DMD: variants seen among roughly 807,000 people sequenced by gnomAD.
DMD encodes the protein mutant dystrophin.
Under a neutral mutation model 330.1 loss-of-function variants are expected in DMD, and 63 were observed. The ratio of observed to expected loss-of-function variants is 0.19; its 90% CI spans 0.16 to 0.24. The LOEUF is 0.24. Among genes scored for constraint, DMD ranks in the 10% least tolerant of loss-of-function variants. The probability of loss-of-function intolerance (pLI) is 1.00; values close to 1 mark genes in which losing one functional copy is unlikely to be tolerated. For synonymous variants in DMD, 1,223 were observed against 959.8 expected, an observed-to-expected ratio of 1.27 and a Z score of -5.07; for missense variants, 3,344 against 2,684.1, an observed-to-expected ratio of 1.25 and a Z score of -5.43.
At chrX:31,444,648 C>T in intron 59 of DMD, 21 bp from the exon 60 acceptor site, 2 of 1,208,975 alleles carry the variant, frequency 1.7e-6, no homozygotes, top group Non-Finnish European at 2.2e-6. Flanking sequence ...TAGTCAAAAG[C>T]AAATTGGAAG....
intron 60 of DMD, among the ~76,000 whole-genome samples, chrX:31,380,145 A>G (rs181057110): frequency 9.5e-4 from 105 of 110,847 alleles, no homozygotes; most frequent in Middle Eastern, 4.6e-3. Flanking sequence ...TAACTGTTGT[A>G]GGTATTGACG....
intron 44 of DMD, among the ~76,000 whole-genome samples, chrX:32,136,261 C>T (rs999237402): frequency 8.9e-6 from 1 of 112,455 alleles, no homozygotes; most frequent in Non-Finnish European, 1.9e-5. Context: ...GATCCATTGA[C>T]ATTCTAGGCA....
chrX:32,807,663 G>A (rs552116645), intron 7 of DMD, among the ~76,000 whole-genome samples: 48 of 110,592 alleles, frequency 4.3e-4, no homozygotes, highest in African/African-American at 1.2e-3. Context: ...TTACAGGCTC[G>A]TCAACCTACT....
chrX:31,473,449 C>A (rs774420527), intron 59 of DMD, among the ~76,000 whole-genome samples: 1 of 108,658 alleles, frequency 9.2e-6, no homozygotes, highest in Non-Finnish European at 1.9e-5. Flanking sequence ...TGGCCGGGAG[C>A]GGTGGCTCAC....
At chrX:32,530,588 A>G (rs2047386735) in intron 17 of DMD, among the ~76,000 whole-genome samples, 1 of 112,234 alleles carries the variant, frequency 8.9e-6, no homozygotes, top group Non-Finnish European at 1.9e-5. Context: ...AAAAATTAAA[A>G]GGTAAGAAAC....
At chrX:32,860,648 A>C (rs2149082496) in intron 2 of DMD, among the ~76,000 whole-genome samples, 1 of 111,030 alleles carries the variant, frequency 9.0e-6, no homozygotes, top group South Asian at 3.9e-4. Context: ...TCTGTTGCGG[A>C]ATAATATACA....
chrX:32,481,209 G>T (rs1251661117), intron 21 of DMD, among the ~76,000 whole-genome samples: 2 of 110,171 alleles, frequency 1.8e-5, no homozygotes, highest in South Asian at 7.7e-4. Context: ...TTTCAATTCT[G>T]GCAAGAATAT....
intron 1 of DMD, among the ~76,000 whole-genome samples, chrX:33,031,811 A>G (rs1164793797): frequency 9.1e-6 from 1 of 110,361 alleles, no homozygotes; most frequent in Non-Finnish European, 1.9e-5. Flanking sequence ...GAAAGAAAAG[A>G]CTCATAAGCC....
intron 43 of DMD, among the ~76,000 whole-genome samples, chrX:32,249,374 T>A (rs2097254398): frequency 9.0e-6 from 1 of 111,568 alleles, no homozygotes; most frequent in East Asian, 2.8e-4. Context: ...CCTACTAAAA[T>A]GTTCCTTTGA....
At chrX:32,616,761 C>T (rs1417980798) in intron 11 of DMD, among the ~76,000 whole-genome samples, 7 of 88,501 alleles carry the variant, frequency 7.9e-5, no homozygotes, top group African/African-American at 4.6e-5. Flanking sequence ...GCTAGGTATG[C>T]TCCTTGCTTC....
intron 1 of DMD, among the ~76,000 whole-genome samples, chrX:33,262,623 C>T (rs2052976958): frequency 9.0e-6 from 1 of 110,826 alleles, no homozygotes; most frequent in Non-Finnish European, 1.9e-5. Context: ...AATGTACATA[C>T]TAATCTAATG....
intron 2 of DMD, among the ~76,000 whole-genome samples, chrX:33,009,052 G>A (rs1331653113): frequency 1.1e-5 from 1 of 90,803 alleles, no homozygotes; most frequent in Non-Finnish European, 2.2e-5. Context: ...ATGTATATGT[G>A]TCTATATGCA....
intron 62 of DMD, among the ~76,000 whole-genome samples, chrX:31,309,577 C>T (rs994962695): frequency 1.8e-5 from 2 of 111,504 alleles, no homozygotes; most frequent in South Asian, 7.5e-4. Context: ...ACATTTGGAT[C>T]TCACATCAGA....
At chrX:32,358,326 T>C (rs2097814598) in intron 37 of DMD, among the ~76,000 whole-genome samples, 1 of 110,961 alleles carries the variant, frequency 9.0e-6, no homozygotes, top group Non-Finnish European at 1.9e-5. Flanking sequence ...TATCACCTTA[T>C]TTTCCCGATG....
chrX:32,837,118 A>G (rs149667955), intron 4 of DMD, among the ~76,000 whole-genome samples: 215 of 111,917 alleles, frequency 1.9e-3, no homozygotes, highest in African/African-American at 6.6e-3. Flanking sequence ...ACTGGGCCCT[A>G]GCCAACATCA....
At position 32,919,868 on chromosome X, in the gene DMD, C is replaced by T. The variant is rs370220079; in HGVS notation, c.94-70048G>A. On this transcript the variant is annotated intron_variant, in intron 2 of 78. Transcript: ENST00000357033. The stretch of plus-strand genomic sequence containing the variant: ...CAGAGGGCTTTAAGGAAACTAAATC[C>T]CCAAAACTAAAAGCACTGACTCATG... Among the ~76,000 whole-genome samples the T allele has an allele frequency of 1.3e-4, 14 of 111,182 alleles. No homozygotes were observed. The East Asian group carries it at 3.4e-3, about 27-fold the overall frequency.
At chrX:32,753,580 G>A (rs1455665040) in intron 7 of DMD, among the ~76,000 whole-genome samples, 1 of 111,951 alleles carries the variant, frequency 8.9e-6, no homozygotes, top group Non-Finnish European at 1.9e-5. Flanking sequence ...TCCCTCAGCT[G>A]TGGGTGTTCT....
intron 62 of DMD, among the ~76,000 whole-genome samples, chrX:31,312,883 C>T (rs1315000652): frequency 9.0e-6 from 1 of 111,082 alleles, no homozygotes; most frequent in Non-Finnish European, 1.9e-5. Context: ...TGTTCTCACT[C>T]ACAAGTGAGA....
intron 29 of DMD, among the ~76,000 whole-genome samples, chrX:32,425,714 G>T (rs768763273): frequency 9.0e-6 from 1 of 111,261 alleles, no homozygotes; most frequent in East Asian, 2.8e-4. Flanking sequence ...GCTAGTGGAG[G>T]CATCATGTTA....
Sources: allele counts gnomAD v4.1 joint callset (sites outside exome capture counted in the v4.1 genomes callset), GRCh38; gene constraint gnomAD v4.1.1; transcripts MANE v1.5; gene names NCBI Gene and HGNC (gene_info 2026-07-23, HGNC 2026-07-21).